C3orf70: variants seen among roughly 807,000 people sequenced by gnomAD.
C3orf70 encodes the protein UPF0524 protein C3orf70.
A neutral mutation model predicts 20.7 loss-of-function variants in C3orf70; 15 were observed. The observed-to-expected ratio is 0.72, with a 90% CI of 0.48 to 1.11. The LOEUF (loss-of-function observed/expected upper bound fraction) is 1.11. Ranked by LOEUF, C3orf70 falls within the 50% of genes most tolerant of loss-of-function variation. The pLI is 0.00. For missense variants in C3orf70, 332 were observed against 317.6 expected, an observed-to-expected ratio of 1.05 and a Z score of -0.34; for synonymous variants, 161 against 125.7, an observed-to-expected ratio of 1.28 and a Z score of -1.88.
intron 1 of C3orf70, among the ~76,000 whole-genome samples, chr3:185,088,912 G>C (rs956317191): frequency 5.3e-5 from 8 of 152,132 alleles, no homozygotes; most frequent in African/African-American, 1.9e-4. Flanking sequence ...AATTCTATGT[G>C]TGAAATTGAA....
chr3:185,108,444 G>C (rs11926278), intron 1 of C3orf70, among the ~76,000 whole-genome samples: 7,924 of 152,282 alleles, frequency 0.052, 673 homozygotes, highest in African/African-American at 0.18. Flanking sequence ...TTTCATACAA[G>C]TGATGAACAA....
At chr3:185,105,034 A>G (rs1715899982) in intron 1 of C3orf70, among the ~76,000 whole-genome samples, 1 of 152,230 alleles carries the variant, frequency 6.6e-6, no homozygotes, top group Non-Finnish European at 1.5e-5. Context: ...ATTACCAGAC[A>G]TATCAAATAA....
chr3:185,084,907 C>T (rs1467789187), intron 1 of C3orf70, among the ~76,000 whole-genome samples: 2 of 152,168 alleles, frequency 1.3e-5, no homozygotes, highest in African/African-American at 4.8e-5. Flanking sequence ...CCTAATTTAG[C>T]CAATTTATCG....
chr3:185,080,025 C>A lies in C3orf70; in HGVS notation c.*2982G>T, dbSNP rs2108584115. 1 of 152,724 alleles carries A rather than the reference C, an allele frequency of 6.5e-6. No individual in the cohort carries two copies. The allele number at this position is 152,724 out of a possible 1,614,324, so 9.5% of individuals were successfully genotyped here. On this transcript the variant is annotated 3_prime_UTR_variant, in exon 2 of 2. Coordinates refer to ENST00000335012, the MANE Select transcript of C3orf70 (RefSeq NM_001025266.3). ...TTTAAAGTGAAACTACAATCTGTTTCAGTTGGTTTTGGAATGCAAGCATAA... is the reference window on the plus strand; with the variant it reads ...TTTAAAGTGAAACTACAATCTGTTTAAGTTGGTTTTGGAATGCAAGCATAA...
intron 1 of C3orf70, among the ~76,000 whole-genome samples, chr3:185,110,179 T>C: frequency 6.6e-6 from 1 of 152,304 alleles, no homozygotes; most frequent in Middle Eastern, 3.4e-3. Flanking sequence ...TAATAGCTCT[T>C]AATAAGATCA....
At chr3:185,145,300 CAGGCTTGGA>C (rs1336190458) in intron 1 of C3orf70, among the ~76,000 whole-genome samples, 1 of 152,236 alleles carries the variant, frequency 6.6e-6, no homozygotes. Context: ...CTAAGTTCAA[CAGGCTTGGA>C]AGCCAGTAAT....
intron 1 of C3orf70, among the ~76,000 whole-genome samples, chr3:185,096,260 A>G (rs1715698812): frequency 1.3e-5 from 2 of 152,316 alleles, no homozygotes; most frequent in African/African-American, 4.8e-5. Context: ...TGAGTTTAAT[A>G]TTTACAGGTA....
intron 1 of C3orf70, among the ~76,000 whole-genome samples, chr3:185,127,204 G>A (rs1258092345): frequency 1.3e-5 from 2 of 152,048 alleles, no homozygotes; most frequent in African/African-American, 4.8e-5. Context: ...AATTCATTTT[G>A]ACAGAACTAA....
intron 1 of C3orf70, among the ~76,000 whole-genome samples, chr3:185,094,501 A>G (rs1334236821): frequency 6.6e-6 from 1 of 152,168 alleles, no homozygotes; most frequent in African/African-American, 2.4e-5. Flanking sequence ...TAACGTGGTA[A>G]GAGCAAAACC....
At chr3:185,136,343 T>C (rs1377361488) in intron 1 of C3orf70, among the ~76,000 whole-genome samples, 1 of 152,096 alleles carries the variant, frequency 6.6e-6, no homozygotes, top group African/African-American at 2.4e-5. Context: ...ATCTCAGCAC[T>C]TTGAGAGGCC....
intron 1 of C3orf70, among the ~76,000 whole-genome samples, chr3:185,115,387 C>T (rs951382506): frequency 6.6e-6 from 1 of 152,168 alleles, no homozygotes; most frequent in Non-Finnish European, 1.5e-5. Context: ...GTAGATTCTA[C>T]ATCATAATCT....
intron 1 of C3orf70, among the ~76,000 whole-genome samples, chr3:185,117,813 C>G: frequency 6.6e-6 from 1 of 152,176 alleles, no homozygotes; most frequent in East Asian, 1.9e-4. Flanking sequence ...TCTAGCTAGA[C>G]TGAACTCATT....
At chr3:185,130,383 G>A (rs1200010163) in intron 1 of C3orf70, among the ~76,000 whole-genome samples, 1 of 152,180 alleles carries the variant, frequency 6.6e-6, no homozygotes, top group Non-Finnish European at 1.5e-5. Flanking sequence ...GAACCCGGGA[G>A]GCAGAGCGTG....
At chr3:185,152,592 C>T (rs1322584099) in intron 1 of C3orf70, 36 bp downstream of exon 1, 2 of 1,514,908 alleles carry the variant, frequency 1.3e-6, no homozygotes, top group Admixed American at 4.2e-5. Flanking sequence ...GTCCCCCGGA[C>T]CGCGGCGGAA....
chr3:185,108,281 A>C (rs1715990031), intron 1 of C3orf70, among the ~76,000 whole-genome samples: 1 of 152,240 alleles, frequency 6.6e-6, no homozygotes, highest in Non-Finnish European at 1.5e-5. Flanking sequence ...CTCAAAAAGT[A>C]AAGTTTTCCA....
intron 1 of C3orf70, among the ~76,000 whole-genome samples, chr3:185,120,894 G>GA (rs1032327550): frequency 1.2e-4 from 18 of 151,830 alleles, no homozygotes; most frequent in Non-Finnish European, 2.2e-4. Flanking sequence ...ATACCCAGAA[G>GA]AAAAGAAGTC....
In C3orf70 at chr3:185,097,266, A is replaced by G. The variant is rs1318428434; in HGVS notation, c.197-13703T>C. On this transcript the variant is annotated intron_variant, in intron 1 of 1. Transcript: ENST00000335012. ...AATGTCATATATTAAAATGCTACTA[A>G]TTCTTTAGATGTTTATAACTGGACA... Among the ~76,000 whole-genome samples the G allele has an allele frequency of 2.6e-5, 4 of 152,212 alleles. No homozygotes were observed. The East Asian group carries it at 5.8e-4, about 22-fold the overall frequency.
chr3:185,099,168 G>A (rs770561859), intron 1 of C3orf70, among the ~76,000 whole-genome samples: 8 of 152,112 alleles, frequency 5.3e-5, no homozygotes, highest in Admixed American at 2.0e-4. Context: ...GATATCATCC[G>A]GGAGAACTTT....
At chr3:185,123,679 T>C (rs976412238) in intron 1 of C3orf70, among the ~76,000 whole-genome samples, 1 of 152,104 alleles carries the variant, frequency 6.6e-6, no homozygotes, top group African/African-American at 2.4e-5. Flanking sequence ...TGTCTGCTCA[T>C]AATTGTGATA....
Sources: gnomAD v4.1 joint callset for allele counts (sites outside exome capture counted in the v4.1 genomes callset) on GRCh38, gnomAD v4.1.1 for gene constraint, MANE v1.5 for transcripts, NCBI Gene and HGNC (gene_info 2026-07-23, HGNC 2026-07-21) for gene names.